The following FAM120A variants were observed in gnomAD, a reference collection of about 807,000 sequenced individuals.
FAM120A encodes the protein family with sequence similarity 120 member A, also known as constitutive coactivator of PPAR-gamma-like protein 1.
Under a neutral mutation model 109.7 loss-of-function variants are expected in FAM120A, and 15 were observed. That is an observed-to-expected ratio of 0.14 (90% CI 0.09 to 0.21). FAM120A has a LOEUF of 0.21. Ranked by LOEUF, FAM120A falls within the 10% of genes least tolerant of loss-of-function variation. FAM120A has a pLI of 1.00. For synonymous variants in FAM120A, 493 were observed against 572.8 expected, an observed-to-expected ratio of 0.86 and a Z score of 1.99; for missense variants, 899 against 1,439.3, an observed-to-expected ratio of 0.62 and a Z score of 6.07.
intron 5 of FAM120A, among the ~76,000 whole-genome samples, chr9:93,513,088 A>G (rs1343730710): frequency 6.6e-6 from 1 of 152,236 alleles, no homozygotes; most frequent in Admixed American, 6.5e-5. Flanking sequence ...AAGTTAGGTA[A>G]GTGAGGTCAG....
chr9:93,545,046 C>G (rs762118295), intron 11 of FAM120A, among the ~76,000 whole-genome samples: 1 of 152,140 alleles, frequency 6.6e-6, no homozygotes, highest in African/African-American at 2.4e-5. Context: ...TTTGATGTTC[C>G]CTTTGTCACC....
chr9:93,478,126 A>G (rs556709327), intron 3 of FAM120A, among the ~76,000 whole-genome samples: 3 of 152,296 alleles, frequency 2.0e-5, no homozygotes, highest in African/African-American at 7.2e-5. Context: ...TTGATACTTT[A>G]TCATATTACT....
intron 3 of FAM120A, among the ~76,000 whole-genome samples, chr9:93,479,898 C>A (rs74431140): frequency 6.6e-6 from 1 of 152,192 alleles, no homozygotes; most frequent in Non-Finnish European, 1.5e-5. Flanking sequence ...AAGAATAGCA[C>A]GTCTGCTTTG....
intron 5 of FAM120A, among the ~76,000 whole-genome samples, 155 bp downstream of exon 5, chr9:93,499,041 A>AT (rs2131353830): frequency 6.6e-6 from 1 of 152,334 alleles, no homozygotes; most frequent in South Asian, 2.1e-4. Flanking sequence ...CAGACTCAGT[A>AT]GCAATCCCTG....
At chr9:93,549,913 A>G (rs1862034458) in intron 11 of FAM120A, among the ~76,000 whole-genome samples, 1 of 152,204 alleles carries the variant, frequency 6.6e-6, no homozygotes, top group Admixed American at 6.5e-5. Flanking sequence ...TGATTCAGGC[A>G]GTGCTGTTAC....
At chr9:93,497,369 C>G in intron 3 of FAM120A, 102 bp from the exon 4 acceptor site, 1 of 1,460,250 alleles carries the variant, frequency 6.8e-7, no homozygotes. Context: ...CTGATAAGAT[C>G]TTAGATGGTA....
At chr9:93,499,575 A>G (rs1468187744) in intron 5 of FAM120A, among the ~76,000 whole-genome samples, 27 of 152,212 alleles carry the variant, frequency 1.8e-4, no homozygotes, top group Admixed American at 1.8e-3. Flanking sequence ...GGCATGAGCC[A>G]CCACGTTCAG....
chr9:93,539,025 T>C (rs1336660063), intron 10 of FAM120A, among the ~76,000 whole-genome samples: 1 of 132,948 alleles, frequency 7.5e-6, no homozygotes, highest in Non-Finnish European at 1.6e-5. Flanking sequence ...TGAGACGGAG[T>C]CTCACTCTGT....
Position 93,452,480 on chromosome 9 carries a change from C to G in FAM120A, c.474+91C>G, listed in dbSNP as rs1415107936. On this transcript the variant is annotated intron_variant, in intron 1 of 17. Transcript: ENST00000277165. The surrounding 1 kb of genome is among the most constrained non-coding windows in gnomAD (Gnocchi z 7.0). ...GGCGCAGAATGTCGCCCGGCCGTGG[C>G]GGCGCTGGGGGCAGCGAGTTCCCCC... 6.5e-7 allele frequency: 1 copy of G among 1,544,014 alleles called. No homozygotes were observed.
rs184668341 is a variant in FAM120A at position 93,468,152 on chromosome 9, G to A, written c.475-2989G>A. On this transcript the variant is annotated intron_variant, in intron 1 of 17. Transcript: ENST00000277165. The stretch of plus-strand genomic sequence containing the variant: ...ACCCACCTTAGCCTCCCAAAGTGCT[G>A]GGATTACAGGTGTGAGCCACTGCGC... Among the ~76,000 whole-genome samples the A allele has an allele frequency of 2.1e-3, 316 of 152,292 alleles. 8 individuals are homozygous for A. The South Asian group carries it at 0.032, about 16-fold the overall frequency.
At chr9:93,557,736 A>G in intron 13 of FAM120A, 91 bp from the exon 14 acceptor site, 2 of 1,260,936 alleles carry the variant, frequency 1.6e-6, no homozygotes, top group Non-Finnish European at 2.2e-6. Flanking sequence ...CCAACTGTAT[A>G]GTTGATAGAT....
chr9:93,535,953 C>A (rs889039100), intron 10 of FAM120A, among the ~76,000 whole-genome samples: 5 of 152,186 alleles, frequency 3.3e-5, no homozygotes, highest in Non-Finnish European at 5.9e-5. Context: ...TAAATACTGA[C>A]CCTGCTCAGG....
Position 93,471,357 on chromosome 9 carries a change from A to C in FAM120A, c.691A>C (p.Asn231His). 6.2e-7 allele frequency: 1 copy of C among 1,614,212 alleles called. No homozygotes were observed. The highest frequency in any genetic ancestry group is 8.5e-7 in the Non-Finnish European group (1 of 1,180,030). Residue 231 changes from asparagine to histidine, a missense_variant, in exon 2 of 18, where the codon AAT becomes CAT. Asn to His is a moderately conservative substitution (Grantham distance 68). Coordinates refer to ENST00000277165, the MANE Select transcript of FAM120A (RefSeq NM_014612.5). ...TGCCAAGCAACTGGACCTGAATCCA[A>C]ATCGTTTTCCTATTTTTGCTGCTCT... ...EVAKQLDLNP[N>H]RFPIFAALLG...
At chr9:93,467,164 T>A (rs936505118) in intron 1 of FAM120A, among the ~76,000 whole-genome samples, 3 of 152,094 alleles carry the variant, frequency 2.0e-5, no homozygotes, top group African/African-American at 7.2e-5. Flanking sequence ...CTGAGTCATC[T>A]TGTTGCTACC....
chr9:93,542,025 C>T lies in FAM120A; in HGVS notation c.1910-1197C>T, dbSNP rs369772135. On this transcript the variant is annotated intron_variant, in intron 10 of 17. Coordinates refer to ENST00000277165, the MANE Select transcript of FAM120A (RefSeq NM_014612.5). Reference sequence around the variant, plus strand: ...CAGTAATACATTTAACTCTGTCCTGCTTTTGGATTCTTCAGAATGCCTTAG... The same window carrying T: ...CAGTAATACATTTAACTCTGTCCTGTTTTTGGATTCTTCAGAATGCCTTAG... Among the ~76,000 whole-genome samples, 12 of 152,334 alleles carry T rather than the reference C, an allele frequency of 7.9e-5. No homozygotes were observed. The East Asian group carries it at 2.1e-3, about 27-fold the overall frequency.
rs371850528 is a variant in FAM120A, at chr9:93,503,915, A to C, written c.1030+5029A>C. Among the ~76,000 whole-genome samples the C allele has an allele frequency of 3.1e-4, 47 of 152,260 alleles. No individual in the cohort carries two copies. The East Asian group carries it at 5.4e-3, about 18-fold the overall frequency. ...TGACAGGCAGTGTGCTGGGTGCTGA[A>C]TGGTGTGGTAAATAAGAGAGGAGTT... On this transcript the variant is annotated intron_variant, in intron 5 of 17. Transcript: ENST00000277165.
chr9:93,513,485 G>T (rs985151952), intron 5 of FAM120A, among the ~76,000 whole-genome samples: 1 of 152,314 alleles, frequency 6.6e-6, no homozygotes, highest in East Asian at 1.9e-4. Flanking sequence ...GTCTATGTGC[G>T]TGTTGCATGC....
intron 5 of FAM120A, among the ~76,000 whole-genome samples, chr9:93,511,688 A>C (rs184629475): frequency 3.9e-5 from 6 of 152,372 alleles, no homozygotes; most frequent in African/African-American, 1.4e-4. Context: ...GCAAGCGATG[A>C]AAATTAAAGG....
intron 3 of FAM120A, among the ~76,000 whole-genome samples, chr9:93,478,962 T>C (rs1220540166): frequency 6.6e-6 from 1 of 152,252 alleles, no homozygotes; most frequent in Non-Finnish European, 1.5e-5. Flanking sequence ...GTAAAACCAA[T>C]TGCATCTTTT....
Sources: gnomAD v4.1 joint callset for allele counts (sites outside exome capture counted in the v4.1 genomes callset) on GRCh38, gnomAD v4.1.1 for gene constraint, Gnocchi (gnomAD v3.1) non-coding constraint, MANE v1.5 for transcripts, NCBI Gene and HGNC (gene_info 2026-07-23, HGNC 2026-07-21) for gene names.